The following ANO4 variants were observed in gnomAD, a reference collection of about 807,000 sequenced individuals.
The protein encoded by ANO4 is anoctamin 4.
ANO4 carries 69 observed loss-of-function variants against 141.9 expected under a neutral mutation model. That is an observed-to-expected ratio of 0.49 (90% CI 0.40 to 0.59). The LOEUF (loss-of-function observed/expected upper bound fraction) is 0.59, where lower values mean the gene tolerates loss of function less well. Among genes scored for constraint, ANO4 ranks in the 20% least tolerant of loss-of-function variants. The pLI is 0.00. For missense variants in ANO4, 894 were observed against 1,162.2 expected (o/e 0.77, Z 3.36); for synonymous variants, 350 against 394.3 (o/e 0.89, Z 1.33).
At chr12:101,073,649 G>A (rs1340557155) in intron 14 of ANO4, among the ~76,000 whole-genome samples, 1 of 151,536 alleles carries the variant, frequency 6.6e-6, no homozygotes, top group Non-Finnish European at 1.5e-5. Context: ...TCCCTTTTGT[G>A]TCTGTGATGG....
chr12:100,909,322 C>T (rs1393194122), intron 2 of ANO4, among the ~76,000 whole-genome samples: 2 of 152,162 alleles, frequency 1.3e-5, no homozygotes, highest in African/African-American at 4.8e-5. Context: ...TTTGGTTGGA[C>T]AGACAGTGCT....
intron 17 of ANO4, among the ~76,000 whole-genome samples, chr12:101,091,979 A>C (rs2049796172): frequency 6.6e-6 from 1 of 152,134 alleles, no homozygotes; most frequent in Non-Finnish European, 1.5e-5. Flanking sequence ...TGAAAAATAA[A>C]TATTTCAAAG....
intron 14 of ANO4, among the ~76,000 whole-genome samples, chr12:101,067,666 G>A (rs2048647456): frequency 6.6e-6 from 1 of 152,174 alleles, no homozygotes; most frequent in Non-Finnish European, 1.5e-5. Context: ...CTGGGTGACA[G>A]AGTGAGACTC....
At chr12:100,909,755 C>G (rs2041017365) in intron 2 of ANO4, among the ~76,000 whole-genome samples, 1 of 152,096 alleles carries the variant, frequency 6.6e-6, no homozygotes, top group Non-Finnish European at 1.5e-5. Flanking sequence ...TGAAAGCAAG[C>G]TTTATCGTTA....
chr12:101,123,420 G>C (rs1454280254), intron 26 of ANO4, among the ~76,000 whole-genome samples: 1 of 152,076 alleles, frequency 6.6e-6, no homozygotes, highest in Non-Finnish European at 1.5e-5. Flanking sequence ...CCGTCACCCA[G>C]GTATTAAGCT....
chr12:101,055,467 G>GCA (rs1192261483), intron 14 of ANO4, among the ~76,000 whole-genome samples: 1 of 152,152 alleles, frequency 6.6e-6, no homozygotes, highest in African/African-American at 2.4e-5. Context: ...TTTGCAATCT[G>GCA]CACATCTTAC....
intron 7 of ANO4, among the ~76,000 whole-genome samples, chr12:100,986,036 C>G (rs1468922800): frequency 6.6e-6 from 1 of 152,122 alleles, no homozygotes; most frequent in African/African-American, 2.4e-5. Flanking sequence ...CTCCCCAGTG[C>G]AGGTGGGTGC....
At chr12:100,730,743 T>C (rs1050382077) in intron 1 of ANO4, among the ~76,000 whole-genome samples, 3 of 152,174 alleles carry the variant, frequency 2.0e-5, no homozygotes, top group African/African-American at 2.4e-5. Context: ...CAGGAAGCAT[T>C]CTAGAGATTG....
chr12:100,990,766 A>G (rs1198845987), intron 8 of ANO4, among the ~76,000 whole-genome samples: 1 of 152,198 alleles, frequency 6.6e-6, no homozygotes, highest in Non-Finnish European at 1.5e-5. Context: ...GATTGATCAC[A>G]AGAGAATGCT....
At chr12:100,783,145 G>A (rs2033760985) in intron 3 of ANO4, among the ~76,000 whole-genome samples, 1 of 152,078 alleles carries the variant, frequency 6.6e-6, no homozygotes, top group African/African-American at 2.4e-5. Flanking sequence ...TGCACCTACG[G>A]TACAATGAGG....
intron 3 of ANO4, among the ~76,000 whole-genome samples, chr12:100,924,193 T>G: frequency 6.6e-6 from 1 of 152,180 alleles, no homozygotes; most frequent in East Asian, 1.9e-4. Flanking sequence ...TTTTGATGTT[T>G]TAGTCATGAA....
At chr12:100,868,096 G>A (rs1156992776) in intron 1 of ANO4, among the ~76,000 whole-genome samples, 2 of 152,140 alleles carry the variant, frequency 1.3e-5, no homozygotes, top group East Asian at 3.9e-4. Context: ...ATTTCAGAGA[G>A]CAACTTAAGT....
chr12:100,899,121 C>G (rs2040475299), intron 1 of ANO4, among the ~76,000 whole-genome samples: 1 of 152,182 alleles, frequency 6.6e-6, no homozygotes, highest in African/African-American at 2.4e-5. Context: ...GGCACCTGAG[C>G]ATCAGAGTGC....
chr12:101,119,303 CA>C (rs1447032711), intron 25 of ANO4, among the ~76,000 whole-genome samples: 2 of 151,794 alleles, frequency 1.3e-5, no homozygotes, highest in African/African-American at 2.4e-5. Flanking sequence ...ACCAAAAATA[CA>C]AAAAAATTAG....
intron 22 of ANO4, among the ~76,000 whole-genome samples, chr12:101,100,651 G>T (rs1295543930): frequency 1.3e-5 from 2 of 152,166 alleles, no homozygotes; most frequent in Non-Finnish European, 2.9e-5. Context: ...TGCTTAAAAA[G>T]AACCTTTTAT....
chr12:100,884,788 G>A (rs11110577), intron 1 of ANO4, among the ~76,000 whole-genome samples: 6,839 of 152,230 alleles, frequency 0.045, 201 homozygotes, highest in Non-Finnish European at 0.065. Context: ...TCTGCCTCCC[G>A]CATTCAAGCG....
At chr12:101,116,131 C>T (rs2137036484) in intron 24 of ANO4, among the ~76,000 whole-genome samples, 1 of 152,200 alleles carries the variant, frequency 6.6e-6, no homozygotes, top group East Asian at 1.9e-4. Flanking sequence ...AGGATAAATA[C>T]TATTTCCACT....
At chr12:100,740,174 C>A in intron 3 of ANO4, 1 of 683,536 alleles carries the variant, frequency 1.5e-6, no homozygotes, top group Non-Finnish European at 2.7e-6. Context: ...CATTTGCCTG[C>A]TGAATAAATT....
chr12:100,798,179 A>G (rs557932388), intron 1 of ANO4, among the ~76,000 whole-genome samples: 1 of 152,372 alleles, frequency 6.6e-6, no homozygotes, highest in East Asian at 1.9e-4. Flanking sequence ...GTTATAAAGT[A>G]AAATCATTTG....
Sources: gnomAD v4.1 joint callset for allele counts (sites outside exome capture counted in the v4.1 genomes callset) on GRCh38, gnomAD v4.1.1 for gene constraint, MANE v1.5 for transcripts, NCBI Gene and HGNC (gene_info 2026-07-23, HGNC 2026-07-21) for gene names.